Variants in CCBE1 observed in about 807,000 individuals in gnomAD.
CCBE1 encodes the protein collagen and calcium binding EGF domains 1.
A neutral mutation model predicts 50.0 loss-of-function variants in CCBE1; 37 were observed. That is an observed-to-expected ratio of 0.74 (90% CI 0.57 to 0.97). The LOEUF (loss-of-function observed/expected upper bound fraction) is 0.97. Among genes scored for constraint, CCBE1 ranks in the 50% least tolerant of loss-of-function variants. The pLI, the probability that CCBE1 is intolerant of heterozygous loss-of-function variation, is 0.00. For missense variants in CCBE1, 538 were observed against 523.8 expected, an observed-to-expected ratio of 1.03 and a Z score of -0.26; for synonymous variants, 234 against 203.7, an observed-to-expected ratio of 1.15 and a Z score of -1.27.
chr18:59,557,637 T>C (rs1178853722), intron 2 of CCBE1, among the ~76,000 whole-genome samples: 1 of 152,132 alleles, frequency 6.6e-6, no homozygotes, highest in African/African-American at 2.4e-5. Flanking sequence ...CTCTGTTTGA[T>C]CATAGGCCAC....
intron 2 of CCBE1, among the ~76,000 whole-genome samples, chr18:59,695,690 C>A (rs1484283778): frequency 6.6e-6 from 1 of 152,164 alleles, no homozygotes; most frequent in African/African-American, 2.4e-5. Flanking sequence ...ACATTGTTTT[C>A]TTTCAAGTTC....
intron 5 of CCBE1, among the ~76,000 whole-genome samples, chr18:59,460,763 C>T (rs1343373417): frequency 6.6e-6 from 1 of 151,998 alleles, no homozygotes; most frequent in African/African-American, 2.4e-5. Context: ...GAAACCCCAT[C>T]TCTACCAAAA....
Position 59,697,302 on chromosome 18 carries a change from C to A in CCBE1, c.41G>T (p.Gly14Val), listed in dbSNP as rs753016701. Residue 14 changes from glycine to valine, a missense_variant, in exon 1 of 11, where the codon GGC becomes GTC. Gly to Val is a moderately radical substitution (Grantham distance 109). Transcript: ENST00000439986. ...PPPSRGGAAR[G>V]QLGRSLGPLL... ...CGGACCCAGGCTCCTGCCCAGCTGG[C>A]CCCTGGCAGCTCCTCCCCGGCTCGG... 1.6e-4 allele frequency: 243 copies of A among 1,549,076 alleles called. No individual in the cohort carries two copies. Among genetic ancestry groups the A allele is most frequent in the Middle Eastern group, 4.0e-4 (2 of 5,060 alleles).
intron 2 of CCBE1, among the ~76,000 whole-genome samples, chr18:59,522,130 T>G (rs1346955476): frequency 3.3e-5 from 5 of 152,104 alleles, no homozygotes. Flanking sequence ...ACTTTTCTTT[T>G]TTTTTTTTTG....
At chr18:59,614,776 G>T (rs1599065283) in intron 2 of CCBE1, among the ~76,000 whole-genome samples, 1 of 152,236 alleles carries the variant, frequency 6.6e-6, no homozygotes, top group African/African-American at 2.4e-5. Context: ...TGAGGACGCA[G>T]TCCTCCTGAC....
chr18:59,641,293 T>C (rs2053986401), intron 2 of CCBE1, among the ~76,000 whole-genome samples: 1 of 152,150 alleles, frequency 6.6e-6, no homozygotes, highest in South Asian at 2.1e-4. Flanking sequence ...AAGAAGATCA[T>C]GTCCTTTGCA....
At chr18:59,467,205 G>A (rs542373844) in intron 4 of CCBE1, among the ~76,000 whole-genome samples, 11 of 152,296 alleles carry the variant, frequency 7.2e-5, no homozygotes, top group East Asian at 3.9e-4. Context: ...AATGAAGCCT[G>A]CCCTAAACAC....
At chr18:59,583,258 AAAAACAAACAAAC>A (rs1367966549) in intron 2 of CCBE1, among the ~76,000 whole-genome samples, 1 of 131,750 alleles carries the variant, frequency 7.6e-6, no homozygotes, top group Non-Finnish European at 1.7e-5. Flanking sequence ...GCCCACAGAA[AAAAACAAACAAAC>A]AAAACAAACA....
chr18:59,590,904 A>G (rs1315599168), intron 2 of CCBE1, among the ~76,000 whole-genome samples: 1 of 152,222 alleles, frequency 6.6e-6, no homozygotes, highest in African/African-American at 2.4e-5. Flanking sequence ...TTAAACTACA[A>G]AAGTGCTAGA....
chr18:59,433,272 T>A lies in CCBE1; in HGVS notation c.*2636A>T, dbSNP rs1383739381. On this transcript the variant is annotated 3_prime_UTR_variant, in exon 11 of 11. Coordinates refer to ENST00000439986, the MANE Select transcript of CCBE1 (RefSeq NM_133459.4). The stretch of plus-strand genomic sequence containing the variant: ...AGTGCCACATTTAATAAAACTTATT[T>A]TTTTTTTTTTAGGGATGGGGTCTTG... 1.3e-5 allele frequency: 2 copies of A among 149,534 alleles called. No individual in the cohort carries two copies. Among genetic ancestry groups the A allele is most frequent in the Non-Finnish European group, 1.5e-5 (1 of 67,170 alleles). The allele number at this position is 149,534 out of a possible 1,614,324, so 9.3% of individuals were successfully genotyped here.
chr18:59,636,703 C>T (rs375757047), intron 2 of CCBE1, among the ~76,000 whole-genome samples: 2 of 152,168 alleles, frequency 1.3e-5, no homozygotes, highest in African/African-American at 4.8e-5. Flanking sequence ...AAAGTCTTCA[C>T]AACATGCTTT....
intron 5 of CCBE1, among the ~76,000 whole-genome samples, chr18:59,464,717 T>C (rs1337150230): frequency 3.9e-5 from 6 of 152,224 alleles, no homozygotes; most frequent in African/African-American, 1.4e-4. Flanking sequence ...CACTTTGTAG[T>C]TCTCCCTTGC....
intron 2 of CCBE1, among the ~76,000 whole-genome samples, chr18:59,573,300 T>TATATATATATATATATATATAC (rs2052944934): frequency 8.2e-6 from 1 of 121,694 alleles, no homozygotes; most frequent in Non-Finnish European, 1.6e-5. Context: ...TATATATATA[T>TATATATATATATATATATATAC]ATGTATGTAT....
chr18:59,519,152 G>A (rs117278921), intron 2 of CCBE1, among the ~76,000 whole-genome samples: 3,031 of 152,218 alleles, frequency 0.02, 65 homozygotes, highest in East Asian at 0.076. Flanking sequence ...TTATAAGCCA[G>A]CTCTGAGAGC....
Position 59,597,399 on chromosome 18 carries a change from G to C in CCBE1, c.212+99230C>G, listed in dbSNP as rs147485727. 2.2e-3 allele frequency among the ~76,000 whole-genome samples: 338 copies of C among 152,336 alleles called. 6 individuals are homozygous for C. In the East Asian group the frequency reaches 0.032, roughly 14 times the overall value. ...TAAGGCATGAGCAAGGAGGCATTTA[G>C]AGAATTTACTGAGTGAAACACATAC... is the stretch of plus-strand genomic sequence containing the variant. On this transcript the variant is annotated intron_variant, in intron 2 of 10. Transcript: ENST00000439986.
intron 2 of CCBE1, among the ~76,000 whole-genome samples, chr18:59,543,847 A>AAAAAAAAAAAAG (rs1915576051): frequency 5.1e-5 from 4 of 78,596 alleles, no homozygotes; most frequent in East Asian, 9.7e-4. Flanking sequence ...AAAAAAAAAA[A>AAAAAAAAAAAAG]AAAAAAAAAA....
chr18:59,455,943 G>A (rs1311766458), intron 5 of CCBE1, among the ~76,000 whole-genome samples: 1 of 152,198 alleles, frequency 6.6e-6, no homozygotes, highest in Non-Finnish European at 1.5e-5. Context: ...CGCAGACTGG[G>A]GAAGTCGGGT....
At chr18:59,692,395 G>C (rs1284527105) in intron 2 of CCBE1, among the ~76,000 whole-genome samples, 1 of 152,068 alleles carries the variant, frequency 6.6e-6, no homozygotes, top group African/African-American at 2.4e-5. Context: ...ACTGCTCAAG[G>C]TCACAAAACC....
chr18:59,515,107 G>A (rs12606330), intron 2 of CCBE1, among the ~76,000 whole-genome samples: 22,763 of 152,174 alleles, frequency 0.15, 3,322 homozygotes, highest in East Asian at 0.37. Context: ...AAGAAGTGCA[G>A]AGGTGCAACA....
Sources: allele counts gnomAD v4.1 joint callset (sites outside exome capture counted in the v4.1 genomes callset), GRCh38; gene constraint gnomAD v4.1.1; transcripts MANE v1.5; gene names NCBI Gene and HGNC (gene_info 2026-07-23, HGNC 2026-07-21).